CACNA2D3: variants seen among roughly 807,000 people sequenced by gnomAD.
CACNA2D3 encodes calcium voltage-gated channel auxiliary subunit alpha2delta 3.
Under a neutral mutation model 160.6 loss-of-function variants are expected in CACNA2D3, and 60 were observed. That is an observed-to-expected ratio of 0.37 (90% confidence interval 0.30 to 0.46). The LOEUF is 0.46. CACNA2D3 is among the 20% of genes least tolerant of loss of function. CACNA2D3 has a pLI of 1.00. For synonymous variants in CACNA2D3, 558 were observed against 492.9 expected (o/e 1.13, Z -1.75); for missense variants, 1,205 against 1,365.0 (o/e 0.88, Z 1.85).
chr3:54,692,281 A>C (rs1373801649), intron 11 of CACNA2D3, among the ~76,000 whole-genome samples: 1 of 152,134 alleles, frequency 6.6e-6, no homozygotes, highest in Non-Finnish European at 1.5e-5. Flanking sequence ...CCCAGCCAGT[A>C]ATATTAATTT....
chr3:55,022,576 T>A (rs1703481749), intron 35 of CACNA2D3, among the ~76,000 whole-genome samples: 1 of 149,866 alleles, frequency 6.7e-6, no homozygotes. Flanking sequence ...CTTTCCTTCC[T>A]TCCTTCCTTC....
At chr3:54,918,590 T>C in intron 27 of CACNA2D3, 1 of 1,614,112 alleles carries the variant, frequency 6.2e-7, no homozygotes, top group Non-Finnish European at 8.5e-7. Flanking sequence ...GCTGCCAACA[T>C]CATGAGACAC....
rs77944082 is a variant in CACNA2D3 at position 54,361,869 on chromosome 3, C to T, written c.322-24846C>T. On this transcript the variant is annotated intron_variant, in intron 3 of 37. Transcript: ENST00000474759. Reference sequence around the variant, plus strand: ...GGCAGCTCCTTCTCTGAGGAAGACTCATGAAGTCTGGTGGAATTTTATGCA... The same window carrying T: ...GGCAGCTCCTTCTCTGAGGAAGACTTATGAAGTCTGGTGGAATTTTATGCA... Among the ~76,000 whole-genome samples the T allele has an allele frequency of 8.3e-3, 1,266 of 152,264 alleles. 16 individuals are homozygous for T. Among genetic ancestry groups the T allele is most frequent in the African/African-American group, 0.029 (1,197 of 41,532 alleles).
Position 54,665,931 on chromosome 3 carries a change from A to T in CACNA2D3, c.1167+23690A>T, listed in dbSNP as rs117438325. Among the ~76,000 whole-genome samples the T allele has an allele frequency of 1.2e-3, 185 of 152,100 alleles. 1 individual carries two copies. In the East Asian group the frequency reaches 0.03, roughly 24 times the overall value. Reference sequence around the variant, plus strand: ...ATACTCCTACCTCAGCCTCCTGAGTAGCTGAGACTACAGGGATGTGCCACC... The same window carrying T: ...ATACTCCTACCTCAGCCTCCTGAGTTGCTGAGACTACAGGGATGTGCCACC... On this transcript the variant is annotated intron_variant, in intron 11 of 37. Transcript: ENST00000474759.
chr3:54,794,597 T>C (rs1335359508), intron 13 of CACNA2D3, among the ~76,000 whole-genome samples: 1 of 146,230 alleles, frequency 6.8e-6, no homozygotes, highest in African/African-American at 2.6e-5. Context: ...GTGAGTTCTC[T>C]CAGATATATT....
At position 54,475,819 on chromosome 3, in the gene CACNA2D3, G is replaced by GTGTGTGTGTGTGTGTGTGTGTA. The variant is rs1700820059; in HGVS notation, c.382-27655_382-27654insTGTATGTGTGTGTGTGTGTGTG. On this transcript the variant is annotated intron_variant, in intron 4 of 37. Transcript: ENST00000474759. ...TCACATGGTTACCATTTGTGTGTGT[G>GTGTGTGTGTGTGTGTGTGTGTA]TGTGTGTGTGTGTGTGTGACAGAGA... 4.0e-5 allele frequency among the ~76,000 whole-genome samples: 6 copies of GTGTGTGTGTGTGTGTGTGTGTA among 151,380 alleles called. No homozygotes were observed. The South Asian group carries it at 1.3e-3, about 32-fold the overall frequency.
intron 5 of CACNA2D3, among the ~76,000 whole-genome samples, chr3:54,541,143 G>C (rs1433393317): frequency 5.9e-5 from 9 of 151,802 alleles, no homozygotes; most frequent in Non-Finnish European, 1.0e-4. Context: ...CGGGCGTGGT[G>C]GCGGGCGCCT....
chr3:54,969,261 A>ATTTTTTTTTTTTTTTTTTTTTT (rs139722160), intron 28 of CACNA2D3, among the ~76,000 whole-genome samples: 1 of 127,796 alleles, frequency 7.8e-6, no homozygotes, highest in Non-Finnish European at 1.7e-5. Flanking sequence ...CATAAAGTAG[A>ATTTTTTTTTTTTTTTTTTTTTT]CTTTTTTTTT....
chr3:54,997,766 G>C (rs943287350), intron 31 of CACNA2D3, among the ~76,000 whole-genome samples: 1 of 152,116 alleles, frequency 6.6e-6, no homozygotes, highest in Admixed American at 6.5e-5. Context: ...AAGTTCCCCA[G>C]GTGATTCCAA....
At chr3:54,222,186 A>C (rs530927883) in intron 2 of CACNA2D3, among the ~76,000 whole-genome samples, 1 of 152,358 alleles carries the variant, frequency 6.6e-6, no homozygotes, top group South Asian at 2.1e-4. Context: ...ACGGAGGCTG[A>C]CAAGTTTCAA....
chr3:54,453,144 A>C (rs1700337677), intron 4 of CACNA2D3, among the ~76,000 whole-genome samples: 1 of 152,016 alleles, frequency 6.6e-6, no homozygotes, highest in Admixed American at 6.6e-5. Context: ...AGTATGCACC[A>C]CCACACCCAG....
intron 1 of CACNA2D3, 95 bp downstream of exon 1, chr3:54,122,930 G>T (rs1576940506): frequency 2.7e-6 from 3 of 1,117,468 alleles, no homozygotes; most frequent in East Asian, 7.6e-5. Flanking sequence ...GGCTGGGCAG[G>T]ACCCGCCGCG....
At chr3:54,470,983 C>A (rs762877686) in intron 4 of CACNA2D3, among the ~76,000 whole-genome samples, 1 of 152,138 alleles carries the variant, frequency 6.6e-6, no homozygotes, top group Non-Finnish European at 1.5e-5. Context: ...TAACATACCA[C>A]TGTCAATATT....
chr3:54,386,477 A>G (rs1384497239), intron 3 of CACNA2D3, among the ~76,000 whole-genome samples: 1 of 152,206 alleles, frequency 6.6e-6, no homozygotes, highest in Non-Finnish European at 1.5e-5. Flanking sequence ...ACACGTGTGC[A>G]TTTATAAATG....
Position 54,503,505 on chromosome 3 carries a change from A to T in CACNA2D3, c.395A>T (p.Asn132Ile), listed in dbSNP as rs376380325. ...TTTGTCTTTCAGTATGAATACTTCA[A>T]TGCTGTGCTGATAAATGAAAGGGAC... Reference protein sequence around the residue: ...FDADLQYEYFNAVLINERDKD... With the variant: ...FDADLQYEYFIAVLINERDKD... Residue 132 changes from asparagine (N) to isoleucine (I), a missense_variant, in exon 5 of 38, where the codon AAT (asparagine) becomes ATT (isoleucine). Coordinates refer to ENST00000474759, the MANE Select transcript of CACNA2D3 (RefSeq NM_018398.3). The T allele has an allele frequency of 1.2e-6, 2 of 1,613,944 alleles. No individual in the cohort carries two copies. The highest frequency in any genetic ancestry group is 8.5e-7 in the Non-Finnish European group (1 of 1,179,830).
At chr3:54,832,021 ACACACACAC>A (rs1477390163) in intron 14 of CACNA2D3, among the ~76,000 whole-genome samples, 1 of 135,298 alleles carries the variant, frequency 7.4e-6, no homozygotes, top group African/African-American at 3.2e-5. Flanking sequence ...TCACACACAC[ACACACACAC>A]ACACACACAC....
intron 14 of CACNA2D3, among the ~76,000 whole-genome samples, chr3:54,822,742 C>CTTTT (rs1703638164): frequency 1.8e-5 from 1 of 55,230 alleles, no homozygotes; most frequent in African/African-American, 8.2e-5. Flanking sequence ...TTCTTTCTTT[C>CTTTT]TTTCTTTCTT....
chr3:55,021,411 C>T (rs140687119), intron 35 of CACNA2D3, among the ~76,000 whole-genome samples: 1 of 151,892 alleles, frequency 6.6e-6, no homozygotes, highest in Non-Finnish European at 1.5e-5. Flanking sequence ...TTCCCTCTCT[C>T]TCCCTTTCCA....
intron 10 of CACNA2D3, among the ~76,000 whole-genome samples, chr3:54,634,906 T>C (rs1401248769): frequency 6.6e-6 from 1 of 152,056 alleles, no homozygotes; most frequent in Non-Finnish European, 1.5e-5. Flanking sequence ...GGGGATGCAA[T>C]GGCTTGGCTT....
Sources: gnomAD v4.1 joint callset for allele counts (sites outside exome capture counted in the v4.1 genomes callset) on GRCh38, gnomAD v4.1.1 for gene constraint, MANE v1.5 for transcripts, NCBI Gene and HGNC (gene_info 2026-07-23, HGNC 2026-07-21) for gene names.